Variants in LCOR observed in about 807,000 individuals in gnomAD.
LCOR encodes the protein ligand-dependent corepressor.
Under a neutral mutation model 64.4 loss-of-function variants are expected in LCOR, and 14 were observed. The ratio of observed to expected loss-of-function variants is 0.22; its 90% confidence interval spans 0.14 to 0.34. LCOR has a LOEUF of 0.34. Ranked by LOEUF, LCOR falls within the 10% of genes least tolerant of loss-of-function variation. The pLI is 1.00. For synonymous variants in LCOR, 643 were observed against 642.5 expected (o/e 1.00, Z -0.01); for missense variants, 1,686 against 1,765.3 (o/e 0.96, Z 0.80).
intron 2 of LCOR, among the ~76,000 whole-genome samples, chr10:96,891,743 C>T (rs1445763947): frequency 6.6e-6 from 1 of 151,616 alleles, no homozygotes; most frequent in African/African-American, 2.4e-5. Flanking sequence ...AGGTTTTTAC[C>T]ATGTTGGCCA....
chr10:96,868,862 G>GT (rs1367384912), intron 2 of LCOR, among the ~76,000 whole-genome samples: 1 of 152,170 alleles, frequency 6.6e-6, no homozygotes, highest in East Asian at 1.9e-4. Context: ...CTGACACACA[G>GT]TGGGTGTCCA....
At chr10:96,838,521 G>T (rs1845484732) in intron 2 of LCOR, among the ~76,000 whole-genome samples, 1 of 152,120 alleles carries the variant, frequency 6.6e-6, no homozygotes, top group African/African-American at 2.4e-5. Flanking sequence ...ACTATAATTT[G>T]TTTTCTGTTT....
At chr10:96,972,300 A>T (rs1052162309) in intron 7 of LCOR, among the ~76,000 whole-genome samples, 7 of 152,078 alleles carry the variant, frequency 4.6e-5, no homozygotes, top group Non-Finnish European at 1.0e-4. Flanking sequence ...TTTTTAAAAA[A>T]TTAACACCAT....
At chr10:96,915,846 A>G (rs1846932464) in intron 4 of LCOR, 5 of 512,026 alleles carry the variant, frequency 9.8e-6, no homozygotes, top group South Asian at 6.8e-5. Flanking sequence ...CTCTGTGGTT[A>G]GTCCTTTAAC....
chr10:96,880,953 G>GAAAAAT (rs1393083149), intron 2 of LCOR, among the ~76,000 whole-genome samples: 2 of 152,166 alleles, frequency 1.3e-5, no homozygotes, highest in Admixed American at 6.5e-5. Flanking sequence ...AGATGCATAA[G>GAAAAAT]AAAAATAAAT....
At chr10:96,964,454 T>C (rs1248263519) in intron 7 of LCOR, 1 of 152,154 alleles carries the variant, frequency 6.6e-6, no homozygotes, top group Non-Finnish European at 1.5e-5. Flanking sequence ...TAAAGCTTGG[T>C]TTCTACTTCC....
chr10:96,983,466 AGAT>A lies in LCOR; in HGVS notation c.3012_3014del (p.Asp1004del). 1 of 1,614,158 alleles carries A rather than the reference AGAT, an allele frequency of 6.2e-7. No homozygotes were observed. Among genetic ancestry groups the A allele is most frequent in the African/African-American group, 1.3e-5 (1 of 75,064 alleles). On this transcript the variant is annotated inframe_deletion, in exon 8 of 8. Transcript: ENST00000421806. This position sits in a 1 kb window ranked among gnomAD's most constrained non-coding sequence, Gnocchi z 4.5. ...TAGACAACGAAAACACCCAGCAGAAAGATGATGAGAGTGATGCCCCATGCAGCT... is the reference window on the plus strand; with the variant it reads ...TAGACAACGAAAACACCCAGCAGAAAGATGAGAGTGATGCCCCATGCAGCT...
intron 7 of LCOR, chr10:96,961,695 G>T (rs1056605694): frequency 6.7e-6 from 1 of 149,784 alleles, no homozygotes; most frequent in Admixed American, 6.7e-5. Context: ...TGTGTAAGGG[G>T]ACTAGGGGTG....
intron 1 of LCOR, among the ~76,000 whole-genome samples, chr10:96,832,653 G>A (rs1470525934): frequency 6.7e-6 from 1 of 149,562 alleles, no homozygotes; most frequent in Non-Finnish European, 1.5e-5. Flanking sequence ...GCGGGAGCGC[G>A]GGTTCCTCCC....
intron 4 of LCOR, among the ~76,000 whole-genome samples, chr10:96,929,486 A>G (rs779113259): frequency 2.9e-4 from 44 of 152,218 alleles, no homozygotes; most frequent in Non-Finnish European, 5.1e-4. Flanking sequence ...AGAATTGAAG[A>G]GAGTTAGAGC....
At chr10:96,937,630 G>C (rs1847373648) in intron 4 of LCOR, among the ~76,000 whole-genome samples, 1 of 152,106 alleles carries the variant, frequency 6.6e-6, no homozygotes, top group South Asian at 2.1e-4. Flanking sequence ...GGGATTAGAG[G>C]TGTGAGCCAC....
At position 96,938,625 on chromosome 10, in the gene LCOR, A is replaced by G. The variant is rs139231695; in HGVS notation, c.-183-5488A>G. On this transcript the variant is annotated intron_variant, in intron 4 of 7. Transcript: ENST00000421806. The stretch of plus-strand genomic sequence containing the variant: ...GGTTTTACAGATGACATGATGATGT[A>G]TATAGAAAATCCCAAGAAATTTACA... 1.2e-3 allele frequency among the ~76,000 whole-genome samples: 184 copies of G among 152,322 alleles called. 1 individual carries two copies. The highest frequency in any genetic ancestry group is 4.2e-3 in the African/African-American group (176 of 41,564).
chr10:96,966,696 A>G (rs1847954483), intron 7 of LCOR, among the ~76,000 whole-genome samples: 1 of 152,196 alleles, frequency 6.6e-6, no homozygotes, highest in African/African-American at 2.4e-5. Context: ...AAAGGTAAGC[A>G]TTTTAACACA....
Position 96,984,493 on chromosome 10 carries a change from A to G in LCOR, c.4033A>G (p.Ser1345Gly). Residue 1345 changes from serine to glycine, a missense_variant, in exon 8 of 8, where the codon AGT (serine) becomes GGT (glycine). Transcript: ENST00000421806. ...TGCTCTGGCTGTGGAAAGTAAGCCA[A>G]GTCGTAAGAGCGTATGCATCAACCC... is the stretch of plus-strand genomic sequence containing the variant. ...PDALAVESKP[S>G]RKSVCINPLM... The G allele has an allele frequency of 1.2e-6, 2 of 1,614,234 alleles. No individual in the cohort carries two copies. The highest frequency in any genetic ancestry group is 1.7e-6 in the Non-Finnish European group (2 of 1,180,046).
intron 2 of LCOR, among the ~76,000 whole-genome samples, chr10:96,848,368 G>A (rs918531799): frequency 3.9e-5 from 6 of 152,006 alleles, no homozygotes; most frequent in Non-Finnish European, 5.9e-5. Flanking sequence ...TTTAAAAACC[G>A]GATGCTGGGC....
intron 7 of LCOR, chr10:96,956,185 A>G: frequency 8.3e-7 from 1 of 1,210,252 alleles, no homozygotes; most frequent in South Asian, 2.6e-5. Flanking sequence ...CAGAGAACAG[A>G]TACATGGAAG....
At chr10:96,961,257 G>A (rs1847874958) in intron 7 of LCOR, 1 of 152,064 alleles carries the variant, frequency 6.6e-6, no homozygotes, top group African/African-American at 2.4e-5. Context: ...GCAACCGTTT[G>A]GGGGGTAATT....
rs779904619 is a variant in LCOR, at chr10:96,984,332, A to G, written c.3872A>G (p.Glu1291Gly). The change falls in exon 8 of 8, where the codon GAA (glutamate) becomes GGA (glycine). Residue 1291 changes from glutamate (E) to glycine (G), a missense_variant. This residue lies in a region of LCOR where 1,293 missense variants were observed against 1,410.4 expected (regional missense o/e 0.92). Coordinates refer to ENST00000421806, the MANE Select transcript of LCOR (RefSeq NM_001346516.2). ...NSEDSIEEVK[E>G]DRNSHPPANL... ...GAAGACAGCATAGAGGAAGTCAAGG[A>G]AGATAGAAACAGTCATCCTCCAGCA... 44 of 1,614,008 alleles carry G rather than the reference A, an allele frequency of 2.7e-5. No homozygotes were observed. Among genetic ancestry groups the G allele is most frequent in the Non-Finnish European group, 3.6e-5 (42 of 1,180,050 alleles).
chr10:96,956,872 T>C (rs1322663628), intron 7 of LCOR: 5 of 984,110 alleles, frequency 5.1e-6, no homozygotes, highest in Non-Finnish European at 6.0e-6. Context: ...TTGCAGCAAC[T>C]AGACTAAGAT....
Sources: allele counts gnomAD v4.1 joint callset (sites outside exome capture counted in the v4.1 genomes callset), GRCh38; gene constraint gnomAD v4.1.1; regional missense constraint gnomAD v4.1.1; non-coding constraint Gnocchi (gnomAD v3.1); transcripts MANE v1.5; gene names NCBI Gene and HGNC (gene_info 2026-07-23, HGNC 2026-07-21).